The following MACROH2A1 variants were observed in gnomAD, a reference collection of about 807,000 sequenced individuals.
MACROH2A1 encodes macroH2A.1 histone, also known as core histone macro-H2A.1.
A neutral mutation model predicts 31.6 loss-of-function variants in MACROH2A1; 2 were observed. That is an observed-to-expected ratio of 0.06 (90% CI 0.03 to 0.20). The LOEUF is 0.20. Ranked by LOEUF, MACROH2A1 falls within the 10% of genes least tolerant of loss-of-function variation. The pLI is 1.00. For synonymous variants in MACROH2A1, 169 were observed against 189.6 expected (o/e 0.89, Z 0.89); for missense variants, 230 against 474.0 (o/e 0.49, Z 4.78).
intron 4 of MACROH2A1, among the ~76,000 whole-genome samples, chr5:135,364,638 G>A (rs1229669721): frequency 6.6e-6 from 1 of 152,206 alleles, no homozygotes; most frequent in Non-Finnish European, 1.5e-5. Flanking sequence ...TTAGGTCAGA[G>A]TCAGCTGGGA....
rs1802192 is a variant in MACROH2A1 at position 135,389,055 on chromosome 5, C to T, written c.39G>A (p.Thr13=). ...TGACTCCTGCTTTGGCAGACCTGGACGTCTTGGTGGACTTCTTCTTCCCAC... is the reference window on the plus strand; with the variant it reads ...TGACTCCTGCTTTGGCAGACCTGGATGTCTTGGTGGACTTCTTCTTCCCAC... The part of the protein sequence containing the change: ...SRGGKKKSTK[T]SRSAKAGVIF... Residue 13 remains threonine, a synonymous_variant, in exon 2 of 9, where the codon ACG becomes ACA. Transcript: ENST00000511689. 16 of 1,613,992 alleles carry T rather than the reference C, an allele frequency of 9.9e-6. No individual in the cohort carries two copies. Among genetic ancestry groups the T allele is most frequent in the South Asian group, 2.2e-5 (2 of 91,064 alleles).
At chr5:135,377,650 G>A (rs1765073866) in intron 2 of MACROH2A1, among the ~76,000 whole-genome samples, 2 of 152,160 alleles carry the variant, frequency 1.3e-5, no homozygotes, top group South Asian at 4.1e-4. Context: ...TTGGTCAGAG[G>A]GAGACGTTTT....
chr5:135,343,361 G>C lies in MACROH2A1; in HGVS notation c.852C>G (p.Asp284Glu), dbSNP rs558111000. ...TCTTTTCCAGAAGTTCTTCACACTTGTCTGCACCCCAAACTGGACTATTAC... is the reference window on the plus strand; with the variant it reads ...TCTTTTCCAGAAGTTCTTCACACTTCTCTGCACCCCAAACTGGACTATTAC... ...IHCNSPVWGA[D>E]KCEELLEKTV... Residue 284 changes from aspartate to glutamate, a missense_variant, in exon 8 of 9, where the codon GAC (aspartate) becomes GAG (glutamate). Asp to Glu is a conservative substitution (Grantham distance 45). This residue lies in a region of MACROH2A1 where 183 missense variants were observed against 319.3 expected (regional missense o/e 0.57). Transcript: ENST00000511689. 1.7e-5 allele frequency: 27 copies of C among 1,614,230 alleles called. No homozygotes were observed. In the South Asian group the frequency reaches 2.9e-4, roughly 17 times the overall value.
intron 2 of MACROH2A1, among the ~76,000 whole-genome samples, chr5:135,386,807 T>C (rs200346558): frequency 6.6e-6 from 1 of 152,204 alleles, no homozygotes; most frequent in East Asian, 1.9e-4. Context: ...TCCCCATTCA[T>C]GCCCTTCAAA....
At chr5:135,359,616 G>A in intron 5 of MACROH2A1, 1 of 984,948 alleles carries the variant, frequency 1.0e-6, no homozygotes, top group Non-Finnish European at 1.2e-6. Flanking sequence ...ACGTGAGCGA[G>A]GGAACCGTGT....
chr5:135,385,892 G>C (rs1415099768), intron 2 of MACROH2A1, among the ~76,000 whole-genome samples: 1 of 152,300 alleles, frequency 6.6e-6, no homozygotes, highest in East Asian at 1.9e-4. Flanking sequence ...CCATGAAGCA[G>C]AGGCCACTCT....
Position 135,343,419 on chromosome 5 carries a change from C to G in MACROH2A1, c.794G>C (p.Gly265Ala). The change falls in exon 8 of 9, where the codon GGC (glycine) becomes GCC (alanine). Residue 265 changes from glycine to alanine, a missense_variant. Gly to Ala is a moderately conservative substitution (Grantham distance 60). Transcript: ENST00000511689. Reference protein sequence around the residue: ...LEVAGAAVSAGHGLPAKFVIH... With the variant: ...LEVAGAAVSAAHGLPAKFVIH... ...CACAAACTTGGCAGGCAGGCCATGGCCTGCGCTGACAGCAGCTAGTGGTGC... is the reference window on the plus strand; with the variant it reads ...CACAAACTTGGCAGGCAGGCCATGGGCTGCGCTGACAGCAGCTAGTGGTGC... 6.2e-7 allele frequency: 1 copy of G among 1,614,146 alleles called. No homozygotes were observed. The highest frequency in any genetic ancestry group is 8.5e-7 in the Non-Finnish European group (1 of 1,180,004).
chr5:135,349,372 G>C (rs952809509), intron 6 of MACROH2A1, among the ~76,000 whole-genome samples: 2 of 152,074 alleles, frequency 1.3e-5, no homozygotes, highest in Admixed American at 6.5e-5. Flanking sequence ...TGACTTTGGA[G>C]CTCTTTAACT....
chr5:135,394,778 T>C (rs929496434), intron 1 of MACROH2A1, among the ~76,000 whole-genome samples: 2 of 152,212 alleles, frequency 1.3e-5, no homozygotes, highest in Non-Finnish European at 1.5e-5. Flanking sequence ...ACGAACCAAT[T>C]TGCTCTACTC....
intron 8 of MACROH2A1, 91 bp downstream of exon 8, chr5:135,343,169 C>T: frequency 6.2e-7 from 1 of 1,601,596 alleles, no homozygotes; most frequent in Non-Finnish European, 8.5e-7. Context: ...CCTCCGTGGG[C>T]CTTGCACAGA....
intron 6 of MACROH2A1, among the ~76,000 whole-genome samples, chr5:135,352,443 T>C (rs759180082): frequency 7.9e-5 from 12 of 152,242 alleles, no homozygotes; most frequent in South Asian, 2.1e-4. Flanking sequence ...TTCAGTCATA[T>C]ACTGTTTTCA....
chr5:135,375,984 C>T (rs1581285346), intron 2 of MACROH2A1, among the ~76,000 whole-genome samples: 1 of 152,262 alleles, frequency 6.6e-6, no homozygotes, highest in East Asian at 1.9e-4. Flanking sequence ...TGAGTGTTTG[C>T]AGCCGCATCC....
chr5:135,337,860 G>C, intron 8 of MACROH2A1: 1 of 807,696 alleles, frequency 1.2e-6, no homozygotes. Context: ...CAGGGTTGTT[G>C]GTGGGTGAAC....
chr5:135,399,314 G>A (rs1157568263), upstream of MACROH2A1: 12 of 151,832 alleles, frequency 7.9e-5, no homozygotes, highest in Non-Finnish European at 1.5e-5. The surrounding 1 kb of genome is among the most constrained non-coding windows in gnomAD (Gnocchi z 4.5). Flanking sequence ...TCCGGCCTCC[G>A]CGCCCGTGCC....
chr5:135,351,049 C>T (rs1028102800), intron 6 of MACROH2A1: 4 of 626,030 alleles, frequency 6.4e-6, no homozygotes, highest in East Asian at 2.8e-5. Flanking sequence ...AATCAGTCCA[C>T]GCAGTGTGCG....
intron 6 of MACROH2A1, among the ~76,000 whole-genome samples, chr5:135,348,198 A>G (rs1482600016): frequency 6.6e-6 from 1 of 152,212 alleles, no homozygotes; most frequent in African/African-American, 2.4e-5. Flanking sequence ...GTAGACACAC[A>G]TGTACTTTTT....
chr5:135,376,117 C>T lies in MACROH2A1; in HGVS notation c.173-5975G>A, dbSNP rs952491516. ...CTCTCCATCTGCTTGTCCCAGGGGC[C>T]TCAAAGGAACCAGAATTCCATAGAG... is the stretch of plus-strand genomic sequence containing the variant. On this transcript the variant is annotated intron_variant, in intron 2 of 8. Transcript: ENST00000511689. Among the ~76,000 whole-genome samples, 6 of 152,100 alleles carry T rather than the reference C, an allele frequency of 3.9e-5. No individual in the cohort carries two copies. In the South Asian group the frequency reaches 1.2e-3, roughly 32 times the overall value.
chr5:135,397,695 C>T (rs572546980), intron 1 of MACROH2A1, among the ~76,000 whole-genome samples: 2 of 152,350 alleles, frequency 1.3e-5, no homozygotes, highest in South Asian at 4.1e-4. Context: ...CTGCCCAACT[C>T]TAGTTAAATG....
At chr5:135,352,322 A>C (rs1237355072) in intron 6 of MACROH2A1, among the ~76,000 whole-genome samples, 2 of 152,248 alleles carry the variant, frequency 1.3e-5, no homozygotes, top group African/African-American at 4.8e-5. Context: ...TGCCATCTTG[A>C]ACAGGGAGAC....
Sources: allele counts gnomAD v4.1 joint callset (sites outside exome capture counted in the v4.1 genomes callset), GRCh38; gene constraint gnomAD v4.1.1; regional missense constraint gnomAD v4.1.1; non-coding constraint Gnocchi (gnomAD v3.1); transcripts MANE v1.5; gene names NCBI Gene and HGNC (gene_info 2026-07-23, HGNC 2026-07-21).